SCFD2: variants seen among roughly 807,000 people sequenced by gnomAD.
SCFD2 encodes sec1 family domain-containing protein 2.
Under a neutral mutation model 58.9 loss-of-function variants are expected in SCFD2, and 54 were observed. The ratio of observed to expected loss-of-function variants is 0.92; its 90% CI spans 0.74 to 1.15. The LOEUF (loss-of-function observed/expected upper bound fraction) is 1.15. Ranked by LOEUF, SCFD2 falls within the 50% of genes most tolerant of loss-of-function variation. The pLI is 0.00. For synonymous variants in SCFD2, 321 were observed against 335.9 expected (o/e 0.96, Z 0.49); for missense variants, 805 against 836.6 (o/e 0.96, Z 0.47).
chr4:53,206,420 T>A (rs768052795), intron 4 of SCFD2, among the ~76,000 whole-genome samples: 1 of 152,152 alleles, frequency 6.6e-6, no homozygotes, highest in Non-Finnish European at 1.5e-5. Flanking sequence ...GAGATATGCA[T>A]GACTTTGAAT....
intron 4 of SCFD2, among the ~76,000 whole-genome samples, chr4:53,245,909 C>T (rs956192378): frequency 6.6e-6 from 1 of 152,136 alleles, no homozygotes. Context: ...GAAAGTCAAA[C>T]TACCCCTGTT....
chr4:53,215,695 G>A (rs1222767562), intron 4 of SCFD2, among the ~76,000 whole-genome samples: 1 of 152,112 alleles, frequency 6.6e-6, no homozygotes, highest in Non-Finnish European at 1.5e-5. Context: ...AAACAGGAGT[G>A]GTGAGAGAGG....
intron 4 of SCFD2, among the ~76,000 whole-genome samples, chr4:53,240,329 T>C (rs927792264): frequency 6.6e-6 from 1 of 152,226 alleles, no homozygotes; most frequent in Non-Finnish European, 1.5e-5. Flanking sequence ...TAAAATATGC[T>C]ACCAATTTCA....
intron 4 of SCFD2, among the ~76,000 whole-genome samples, chr4:53,244,331 A>T (rs1423758877): frequency 6.6e-6 from 1 of 152,012 alleles, no homozygotes; most frequent in Non-Finnish European, 1.5e-5. Flanking sequence ...TGACCATACA[A>T]TCAAATATAA....
intron 5 of SCFD2, among the ~76,000 whole-genome samples, chr4:53,015,009 GT>G (rs1722177960): frequency 6.6e-6 from 1 of 152,178 alleles, no homozygotes; most frequent in African/African-American, 2.4e-5. Flanking sequence ...AGTAGCAGTT[GT>G]TTTGAATAAA....
In SCFD2 at chr4:53,187,031, G is replaced by A. The variant is rs193078908; in HGVS notation, c.1312-41449C>T. ...AGAAAAAAGCATTTATGCTATAAAA[G>A]TATCAATCAAGTCAATCAGTATCAA... On this transcript the variant is annotated intron_variant, in intron 4 of 8. Coordinates refer to ENST00000401642, the MANE Select transcript of SCFD2 (RefSeq NM_152540.4). Among the ~76,000 whole-genome samples the A allele has an allele frequency of 2.7e-3, 406 of 151,866 alleles. 2 individuals are homozygous for A. The highest frequency in any genetic ancestry group is 4.2e-3 in the Non-Finnish European group (284 of 67,896).
chr4:53,360,623 G>A (rs1402801821), intron 1 of SCFD2, among the ~76,000 whole-genome samples: 1 of 152,142 alleles, frequency 6.6e-6, no homozygotes, highest in Non-Finnish European at 1.5e-5. Flanking sequence ...CCCTTCTCAG[G>A]AGATCTCACC....
rs1718403205 is a variant in SCFD2 at position 52,873,744 on chromosome 4, C to G, written c.*225G>C. ...CTAATTGGACTCGCCAAAAGACAGA[C>G]TGTCGCCTTCAGGAAAATAAAAAAA... On this transcript the variant is annotated 3_prime_UTR_variant, in exon 9 of 9. Transcript: ENST00000401642. 1 of 373,738 alleles carries G rather than the reference C, an allele frequency of 2.7e-6. No homozygotes were observed. The highest frequency in any genetic ancestry group is 4.9e-6 in the Non-Finnish European group (1 of 204,248). 23.2% of individuals were successfully genotyped at this position (373,738 alleles called of 1,614,324 possible).
At chr4:53,337,409 T>G (rs1394931589) in intron 2 of SCFD2, among the ~76,000 whole-genome samples, 1 of 152,222 alleles carries the variant, frequency 6.6e-6, no homozygotes, top group Non-Finnish European at 1.5e-5. Flanking sequence ...TACAGGGCAT[T>G]AAATCTTCAA....
intron 4 of SCFD2, among the ~76,000 whole-genome samples, chr4:53,218,180 A>C (rs994304761): frequency 6.6e-6 from 1 of 152,132 alleles, no homozygotes; most frequent in South Asian, 2.1e-4. Flanking sequence ...CGGAATTGGA[A>C]TGTTGGCCTG....
At chr4:52,879,687 C>T (rs1387717036) in intron 8 of SCFD2, among the ~76,000 whole-genome samples, 1 of 152,202 alleles carries the variant, frequency 6.6e-6, no homozygotes, top group Non-Finnish European at 1.5e-5. Context: ...GGCAGCCCAG[C>T]CCTTAGGAGT....
In SCFD2 at chr4:53,238,361, C is replaced by T. The variant is rs555076333; in HGVS notation, c.1311+35465G>A. Among the ~76,000 whole-genome samples the T allele has an allele frequency of 7.5e-5, 10 of 134,080 alleles. No individual in the cohort carries two copies. In the South Asian group the frequency reaches 2.6e-3, roughly 35 times the overall value. The allele number at this position is 134,080 out of a possible 152,430, so 88.0% of individuals were successfully genotyped here. A position where few individuals can be genotyped will look rare whatever the true frequency, so the allele number is the denominator to read the frequency against. On this transcript the variant is annotated intron_variant, in intron 4 of 8. Coordinates refer to ENST00000401642, the MANE Select transcript of SCFD2 (RefSeq NM_152540.4). The stretch of plus-strand genomic sequence containing the variant: ...CGGCTGGCCGGGCGGGGGCTGATGC[C>T]CCCACCTCCCTCCCGGACAGGGCGG...
intron 5 of SCFD2, among the ~76,000 whole-genome samples, chr4:53,013,868 G>A (rs1285461294): frequency 6.6e-6 from 1 of 152,126 alleles, no homozygotes; most frequent in Non-Finnish European, 1.5e-5. Flanking sequence ...TTCCGTGCAG[G>A]GGAGGGATTT....
intron 5 of SCFD2, among the ~76,000 whole-genome samples, chr4:53,080,087 CAACA>C (rs1222510440): frequency 6.6e-6 from 1 of 152,114 alleles, no homozygotes; most frequent in Non-Finnish European, 1.5e-5. Flanking sequence ...AAAAGGATAG[CAACA>C]TACAGAACCA....
intron 7 of SCFD2, among the ~76,000 whole-genome samples, chr4:52,897,230 G>C (rs1340377869): frequency 3.3e-5 from 5 of 152,150 alleles, no homozygotes; most frequent in Non-Finnish European, 7.4e-5. Context: ...TCCCTGTCTT[G>C]TGCCAGTTTT....
chr4:53,165,817 T>C (rs1455993024), intron 4 of SCFD2, among the ~76,000 whole-genome samples: 1 of 152,230 alleles, frequency 6.6e-6, no homozygotes, highest in African/African-American at 2.4e-5. Flanking sequence ...CAAACTTTAT[T>C]GAATGAATGG....
At chr4:52,947,631 A>C (rs1482758312) in intron 5 of SCFD2, among the ~76,000 whole-genome samples, 4 of 152,106 alleles carry the variant, frequency 2.6e-5, no homozygotes, top group African/African-American at 9.7e-5. Flanking sequence ...CCATGCACAT[A>C]TGGAAACTTG....
chr4:53,082,455 A>T (rs1411751138), intron 5 of SCFD2, among the ~76,000 whole-genome samples: 4 of 152,182 alleles, frequency 2.6e-5, no homozygotes, highest in Non-Finnish European at 5.9e-5. Context: ...GTGGCTAATG[A>T]ATCTGAGCAT....
chr4:53,206,508 T>G (rs1408710033), intron 4 of SCFD2, among the ~76,000 whole-genome samples: 2 of 152,198 alleles, frequency 1.3e-5, no homozygotes, highest in East Asian at 1.9e-4. Flanking sequence ...AGAAAACATG[T>G]TTGCTCCATA....
Sources: gnomAD v4.1 joint callset for allele counts (sites outside exome capture counted in the v4.1 genomes callset) on GRCh38, gnomAD v4.1.1 for gene constraint, MANE v1.5 for transcripts, NCBI Gene and HGNC (gene_info 2026-07-23, HGNC 2026-07-21) for gene names.